Variants in SLC4A10 observed in about 807,000 individuals in gnomAD.
SLC4A10 encodes sodium-driven chloride bicarbonate exchanger.
Under a neutral mutation model 137.7 loss-of-function variants are expected in SLC4A10, and 42 were observed. That is an observed-to-expected ratio of 0.30 (90% confidence interval 0.24 to 0.39). The LOEUF is 0.39. Among genes scored for constraint, SLC4A10 ranks in the 10% least tolerant of loss-of-function variants. SLC4A10 has a pLI of 1.00. For synonymous variants in SLC4A10, 474 were observed against 464.1 expected (o/e 1.02, Z -0.27); for missense variants, 925 against 1,355.0 (o/e 0.68, Z 4.98).
At chr2:161,645,122 G>A (rs1223915176) in intron 1 of SLC4A10, among the ~76,000 whole-genome samples, 1 of 152,038 alleles carries the variant, frequency 6.6e-6, no homozygotes, top group African/African-American at 2.4e-5. Context: ...TAACCCATAA[G>A]TTGTCCTTAA....
chr2:161,971,151 AT>A (rs1388834433), intron 23 of SLC4A10, among the ~76,000 whole-genome samples: 1 of 152,260 alleles, frequency 6.6e-6, no homozygotes, highest in East Asian at 1.9e-4. Context: ...GAATGGATTA[AT>A]TAATAGCCCC....
chr2:161,673,733 T>C (rs1053020806), intron 1 of SLC4A10, among the ~76,000 whole-genome samples: 3 of 152,228 alleles, frequency 2.0e-5, no homozygotes, highest in Non-Finnish European at 2.9e-5. Context: ...CTTTCACTTG[T>C]AGTTCCAGCA....
intron 15 of SLC4A10, among the ~76,000 whole-genome samples, chr2:161,909,397 T>C (rs1685277836): frequency 6.6e-6 from 1 of 152,220 alleles, no homozygotes; most frequent in Admixed American, 6.5e-5. Context: ...CATGAATGTG[T>C]GCTGATGACT....
At chr2:161,654,077 C>T (rs2037180274) in intron 1 of SLC4A10, among the ~76,000 whole-genome samples, 1 of 152,110 alleles carries the variant, frequency 6.6e-6, no homozygotes, top group African/African-American at 2.4e-5. Context: ...TAGCCACCAC[C>T]ACAGGTGTGA....
At chr2:161,836,518 A>AAG (rs1333417065) in intron 3 of SLC4A10, among the ~76,000 whole-genome samples, 2 of 124,804 alleles carry the variant, frequency 1.6e-5, no homozygotes, top group South Asian at 2.5e-4. Context: ...GAAAGAAAGA[A>AAG]AGAGAGAGAG....
At chr2:161,939,392 T>C (rs889328090) in intron 15 of SLC4A10, among the ~76,000 whole-genome samples, 1 of 152,074 alleles carries the variant, frequency 6.6e-6, no homozygotes, top group Non-Finnish European at 1.5e-5. Flanking sequence ...GCTAATTTTC[T>C]ACACTTATCC....
intron 15 of SLC4A10, among the ~76,000 whole-genome samples, chr2:161,938,854 A>C (rs1004981256): frequency 6.6e-6 from 1 of 152,092 alleles, no homozygotes; most frequent in Non-Finnish European, 1.5e-5. Flanking sequence ...AAAATAGTCC[A>C]TACATATCCT....
At chr2:161,808,778 T>A (rs1216787640) in intron 3 of SLC4A10, among the ~76,000 whole-genome samples, 1 of 152,170 alleles carries the variant, frequency 6.6e-6, no homozygotes, top group Non-Finnish European at 1.5e-5. Context: ...TAGTATTCCA[T>A]GATATATATG....
At chr2:161,731,074 G>A (rs2046777384) in intron 1 of SLC4A10, among the ~76,000 whole-genome samples, 1 of 152,064 alleles carries the variant, frequency 6.6e-6, no homozygotes. Flanking sequence ...ATCCAACAAC[G>A]ACTTCAGTGA....
At chr2:161,781,884 A>AC (rs2053060321) in intron 2 of SLC4A10, among the ~76,000 whole-genome samples, 1 of 151,870 alleles carries the variant, frequency 6.6e-6, no homozygotes, top group Admixed American at 6.6e-5. Flanking sequence ...CAAAATTTCT[A>AC]CCCCCAACGC....
intron 1 of SLC4A10, among the ~76,000 whole-genome samples, chr2:161,722,674 C>T (rs867427643): frequency 3.9e-5 from 6 of 152,250 alleles, no homozygotes; most frequent in Admixed American, 1.3e-4. Flanking sequence ...ACTCACTTAA[C>T]GAAGCACTCT....
At chr2:161,767,442 A>G (rs1402838913) in intron 1 of SLC4A10, among the ~76,000 whole-genome samples, 1 of 151,542 alleles carries the variant, frequency 6.6e-6, no homozygotes, top group East Asian at 1.9e-4. Context: ...CTCATTTACC[A>G]GTTCAGTATC....
At chr2:161,701,664 A>G (rs1018405634) in intron 1 of SLC4A10, among the ~76,000 whole-genome samples, 22 of 151,794 alleles carry the variant, frequency 1.4e-4, no homozygotes, top group African/African-American at 4.4e-4. Flanking sequence ...AGTGAATACT[A>G]GAACTGATTC....
At chr2:161,776,370 GCCC>G (rs2052333794) in intron 2 of SLC4A10, among the ~76,000 whole-genome samples, 1 of 151,582 alleles carries the variant, frequency 6.6e-6, no homozygotes. Context: ...CTTTTCTTCT[GCCC>G]CCAATTCCTG....
chr2:161,881,323 T>A (rs1168786325), intron 9 of SLC4A10, among the ~76,000 whole-genome samples: 2 of 152,048 alleles, frequency 1.3e-5, no homozygotes, highest in Admixed American at 1.3e-4. Context: ...ATAAAGCACC[T>A]GCTACCGAAT....
chr2:161,672,510 AT>A (rs60944897), intron 1 of SLC4A10, among the ~76,000 whole-genome samples: 13,408 of 146,944 alleles, frequency 0.091, 697 homozygotes, highest in East Asian at 0.16. Flanking sequence ...TCTAAAAAAA[AT>A]TTTTTTTTTT....
At chr2:161,697,133 G>A (rs112229635) in intron 1 of SLC4A10, among the ~76,000 whole-genome samples, 23 of 152,112 alleles carry the variant, frequency 1.5e-4, no homozygotes, top group African/African-American at 4.1e-4. Flanking sequence ...CATATCCTTC[G>A]CCCACTTTTT....
intron 2 of SLC4A10, among the ~76,000 whole-genome samples, chr2:161,787,947 G>C (rs1424054490): frequency 1.3e-5 from 2 of 152,116 alleles, no homozygotes; most frequent in East Asian, 3.9e-4. Flanking sequence ...AATCTAGCCT[G>C]ATCCTTTCAA....
At chr2:161,890,168 T>C (rs2062765478) in intron 10 of SLC4A10, among the ~76,000 whole-genome samples, 1 of 152,194 alleles carries the variant, frequency 6.6e-6, no homozygotes, top group African/African-American at 2.4e-5. Flanking sequence ...TGTTATGATT[T>C]GTGTTCTTTT....
Sources: gnomAD v4.1 joint callset for allele counts (sites outside exome capture counted in the v4.1 genomes callset) on GRCh38, gnomAD v4.1.1 for gene constraint, MANE v1.5 for transcripts, NCBI Gene and HGNC (gene_info 2026-07-23, HGNC 2026-07-21) for gene names.